Variants in PTK7 observed in about 807,000 individuals in gnomAD.
PTK7 encodes inactive tyrosine-protein kinase 7.
PTK7 carries 39 observed loss-of-function variants against 116.6 expected under a neutral mutation model. The ratio of observed to expected loss-of-function variants is 0.33; its 90% CI spans 0.26 to 0.44. The LOEUF (loss-of-function observed/expected upper bound fraction) is 0.44. PTK7 is among the 20% of genes least tolerant of loss of function. The pLI is 1.00. For synonymous variants in PTK7, 546 were observed against 563.6 expected (o/e 0.97, Z 0.44); for missense variants, 1,169 against 1,425.6 (o/e 0.82, Z 2.90).
At chr6:43,133,534 T>C (rs1032080728) in intron 7 of PTK7, 3 of 152,204 alleles carry the variant, frequency 2.0e-5, no homozygotes, top group African/African-American at 7.2e-5. Flanking sequence ...GATCGCACCG[T>C]TGCTCTTCAG....
At chr6:43,095,713 T>C (rs569168049) in intron 1 of PTK7, among the ~76,000 whole-genome samples, 5 of 152,322 alleles carry the variant, frequency 3.3e-5, no homozygotes, top group Admixed American at 6.5e-5. Context: ...AAGAACAGCA[T>C]TGAAATGTTC....
intron 5 of PTK7, among the ~76,000 whole-genome samples, chr6:43,131,078 C>G (rs1769654820): frequency 6.8e-6 from 1 of 147,532 alleles, no homozygotes; most frequent in African/African-American, 2.6e-5. Flanking sequence ...CACACACACA[C>G]TTTTTAGAGG....
chr6:43,118,258 C>T (rs931409845), intron 1 of PTK7, among the ~76,000 whole-genome samples: 24 of 151,746 alleles, frequency 1.6e-4, no homozygotes, highest in African/African-American at 3.4e-4. Context: ...AAATTTAGGC[C>T]GGGCGCGTTG....
intron 1 of PTK7, among the ~76,000 whole-genome samples, chr6:43,081,609 T>A (rs1204277832): frequency 6.6e-6 from 1 of 152,124 alleles, no homozygotes; most frequent in Non-Finnish European, 1.5e-5. Context: ...TTCCCCATGT[T>A]GGCCAGGCTG....
intron 13 of PTK7, 175 bp downstream of exon 13, chr6:43,142,474 G>A: frequency 9.5e-7 from 1 of 1,053,896 alleles, no homozygotes; most frequent in Non-Finnish European, 1.4e-6. Flanking sequence ...TCAGAGCCGG[G>A]CTGTCGTTTA....
chr6:43,147,623 C>G (rs1354489919), intron 17 of PTK7, among the ~76,000 whole-genome samples: 1 of 152,196 alleles, frequency 6.6e-6, no homozygotes, highest in Admixed American at 6.5e-5. Context: ...ACTCTGGAGG[C>G]AGAGCAGAAA....
chr6:43,086,431 G>C (rs922562355), intron 1 of PTK7, among the ~76,000 whole-genome samples: 1 of 108,994 alleles, frequency 9.2e-6, no homozygotes, highest in African/African-American at 3.5e-5. Context: ...TTTTTTTTTT[G>C]TCTCCTCCTT....
In PTK7 at chr6:43,157,384, T is replaced by C. The variant is rs1329588600; in HGVS notation, c.2722-1433T>C. 2.5e-4 allele frequency among the ~76,000 whole-genome samples: 27 copies of C among 108,842 alleles called. 1 individual carries two copies. The highest frequency in any genetic ancestry group is 6.8e-4 in the African/African-American group (20 of 29,618). 71.4% of individuals were successfully genotyped at this position (108,842 alleles called of 152,430 possible). A position where few individuals can be genotyped will look rare whatever the true frequency, so the allele number is the denominator to read the frequency against. On this transcript the variant is annotated intron_variant, in intron 17 of 19. Coordinates refer to ENST00000230419, the MANE Select transcript of PTK7 (RefSeq NM_002821.5). The stretch of plus-strand genomic sequence containing the variant: ...TATATATTTTTTTTTTTCTTTTTTT[T>C]TTTTTTTTTTTAATAGAGTCTCACT...
intron 17 of PTK7, among the ~76,000 whole-genome samples, chr6:43,156,228 CAAAAAAAAAAA>C (rs5875828): frequency 1.3e-4 from 6 of 47,280 alleles, no homozygotes; most frequent in South Asian, 9.8e-4. Context: ...TACCCTGTCT[CAAAAAAAAAAA>C]AAAAAAAAAA....
chr6:43,084,023 G>A (rs1420540086), intron 1 of PTK7, among the ~76,000 whole-genome samples: 3 of 152,260 alleles, frequency 2.0e-5, no homozygotes, highest in Admixed American at 6.5e-5. Flanking sequence ...GAATTATTGA[G>A]GGAGAGGCCA....
chr6:43,146,846 T>G, intron 17 of PTK7, 148 bp downstream of exon 17: 2 of 700,350 alleles, frequency 2.9e-6, no homozygotes, highest in Non-Finnish European at 4.8e-6. Flanking sequence ...GGTAGTCGTC[T>G]GAAATATATA....
At chr6:43,097,247 G>A (rs981480998) in intron 1 of PTK7, among the ~76,000 whole-genome samples, 1 of 152,174 alleles carries the variant, frequency 6.6e-6, no homozygotes, top group African/African-American at 2.4e-5. Flanking sequence ...CCTGAAGCCG[G>A]TGCTGTCTGT....
intron 1 of PTK7, among the ~76,000 whole-genome samples, chr6:43,125,086 C>T (rs1288888172): frequency 1.3e-5 from 2 of 152,136 alleles, no homozygotes; most frequent in African/African-American, 2.4e-5. Context: ...ACAGGAGAAT[C>T]GCTTGATCCC....
chr6:43,085,099 G>A (rs1197384774), intron 1 of PTK7, among the ~76,000 whole-genome samples: 1 of 152,074 alleles, frequency 6.6e-6, no homozygotes, highest in East Asian at 1.9e-4. Flanking sequence ...CAGTTTCCTC[G>A]TGAGCACAAT....
chr6:43,153,924 G>T (rs1186566156), intron 17 of PTK7, among the ~76,000 whole-genome samples: 2 of 152,028 alleles, frequency 1.3e-5, no homozygotes, highest in African/African-American at 4.8e-5. Context: ...CCAGCACTTT[G>T]GGAGGCCGAG....
At chr6:43,158,778 A>G (rs567245919) in intron 17 of PTK7, 39 bp from the exon 18 acceptor site, 5 of 1,601,304 alleles carry the variant, frequency 3.1e-6, no homozygotes, top group East Asian at 4.5e-5. Context: ...CTTGATGCCT[A>G]TTCCTGGGCT....
intron 1 of PTK7, among the ~76,000 whole-genome samples, chr6:43,102,610 C>A (rs960053136): frequency 2.7e-5 from 4 of 150,266 alleles, no homozygotes; most frequent in Non-Finnish European, 3.0e-5. Flanking sequence ...CAAAAAAAAA[C>A]CAAAAAAAAA....
At chr6:43,119,472 A>G (rs1324516486) in intron 1 of PTK7, among the ~76,000 whole-genome samples, 1 of 152,116 alleles carries the variant, frequency 6.6e-6, no homozygotes, top group East Asian at 1.9e-4. Flanking sequence ...ACTGTTCTCC[A>G]TGGTGGACTC....
intron 1 of PTK7, among the ~76,000 whole-genome samples, chr6:43,099,172 A>G (rs1371664155): frequency 6.6e-6 from 1 of 151,898 alleles, no homozygotes; most frequent in East Asian, 1.9e-4. Context: ...TAAAAGGACA[A>G]TAGGTAAAAC....
Sources: gnomAD v4.1 joint callset for allele counts (sites outside exome capture counted in the v4.1 genomes callset) on GRCh38, gnomAD v4.1.1 for gene constraint, MANE v1.5 for transcripts, NCBI Gene and HGNC (gene_info 2026-07-23, HGNC 2026-07-21) for gene names.